The following ANXA8 variants were observed in gnomAD, a reference collection of about 807,000 sequenced individuals.
The protein encoded by ANXA8 is VAC-beta.
A neutral mutation model predicts 26.8 loss-of-function variants in ANXA8; 9 were observed. The ratio of observed to expected loss-of-function variants is 0.34; its 90% CI spans 0.20 to 0.59. The LOEUF (loss-of-function observed/expected upper bound fraction) is 0.59. ANXA8 is among the 20% of genes least tolerant of loss of function. The probability of loss-of-function intolerance (pLI) is 0.84; values close to 1 mark genes in which losing one functional copy is unlikely to be tolerated. For synonymous variants in ANXA8, 39 were observed against 94.8 expected, an observed-to-expected ratio of 0.41 and a Z score of 3.42; for missense variants, 83 against 238.5, an observed-to-expected ratio of 0.35 and a Z score of 4.29.
the ANXA8 span, among the ~76,000 whole-genome samples, chr10:47,942,200 T>C: frequency 1.4e-5 from 2 of 146,330 alleles, 1 homozygote. Flanking sequence ...TCCTTATGAA[T>C]AGGTGAAAAG....
the ANXA8 span, among the ~76,000 whole-genome samples, chr10:47,958,961 T>C: frequency 6.7e-6 from 1 of 150,272 alleles, no homozygotes. Flanking sequence ...GATGAGGTTT[T>C]GGGTGGGGAC....
chr10:47,926,174 G>A, the ANXA8 span, among the ~76,000 whole-genome samples: 1 of 40,012 alleles, frequency 2.5e-5, no homozygotes, highest in Non-Finnish European at 5.3e-5. Context: ...GGGATTACAG[G>A]TGCTTGCCAC....
At chr10:47,674,983 G>GC in the ANXA8 span, among the ~76,000 whole-genome samples, 1 of 148,402 alleles carries the variant, frequency 6.7e-6, no homozygotes, top group Non-Finnish European at 1.5e-5. Context: ...TTTAGTATAT[G>GC]CTTTATCTAG....
chr10:47,744,423 T>TGGGGGGGAGGGGGGAAGGGGG, the ANXA8 span, among the ~76,000 whole-genome samples: 1 of 6,438 alleles, frequency 1.6e-4, no homozygotes, highest in Non-Finnish European at 2.7e-4. Flanking sequence ...GGGGGGGGGT[T>TGGGGGGGAGGGGGGAAGGGGG]GGGGGGGAGG....
the ANXA8 span, among the ~76,000 whole-genome samples, chr10:47,695,316 G>A: frequency 6.6e-6 from 1 of 151,150 alleles, no homozygotes; most frequent in African/African-American, 2.4e-5. Context: ...TGTTGGGAGG[G>A]AAAGGAATGT....
chr10:47,691,099 T>A, the ANXA8 span: 1 of 1,611,202 alleles, frequency 6.2e-7, no homozygotes, highest in East Asian at 2.2e-5. Context: ...GACCAAATTC[T>A]GGCTCTAAAG....
At chr10:47,687,892 G>T in the ANXA8 span, among the ~76,000 whole-genome samples, 1 of 151,734 alleles carries the variant, frequency 6.6e-6, no homozygotes. Context: ...TTGAGGTCAG[G>T]AGTTTGCGAC....
At chr10:47,750,958 G>C in the ANXA8 span, 1 of 147,830 alleles carries the variant, frequency 6.8e-6, no homozygotes, top group Non-Finnish European at 1.5e-5. Context: ...GAATAAAGGA[G>C]AAAAATAAAA....
chr10:47,499,010 G>C, the ANXA8 span, among the ~76,000 whole-genome samples: 11 of 141,598 alleles, frequency 7.8e-5, no homozygotes, highest in African/African-American at 2.6e-4. Context: ...GCTGAGGCAG[G>C]AGAATCGCTT....
At chr10:47,483,885 C>A (rs1446529740) in intron 1 of ANXA8, 28 bp downstream of exon 1, 120 of 1,611,614 alleles carry the variant, frequency 7.4e-5, no homozygotes, top group Non-Finnish European at 9.2e-5. Flanking sequence ...CATGCAGGAA[C>A]CCAAATCTCC....
chr10:47,581,777 A>T, the ANXA8 span, among the ~76,000 whole-genome samples: 3 of 145,514 alleles, frequency 2.1e-5, no homozygotes, highest in Non-Finnish European at 4.5e-5. Flanking sequence ...AACTTTTTGT[A>T]TTTTTTTTTA....
At chr10:47,944,893 TC>T in the ANXA8 span, among the ~76,000 whole-genome samples, 1 of 140,280 alleles carries the variant, frequency 7.1e-6, no homozygotes, top group Non-Finnish European at 1.5e-5. Context: ...CCTCAGTCTG[TC>T]CTTGTACAGG....
the ANXA8 span, chr10:47,503,310 A>G: frequency 6.3e-7 from 1 of 1,593,922 alleles, no homozygotes; most frequent in Non-Finnish European, 8.5e-7. Flanking sequence ...CGATGGTGTC[A>G]GCATGATTCT....
rs1210120774 is a variant in ANXA8, at chr10:47,481,463, G to A, written c.22-1575C>T. 9.3e-5 allele frequency among the ~76,000 whole-genome samples: 13 copies of A among 139,842 alleles called. 1 individual carries two copies. Among genetic ancestry groups the A allele is most frequent in the South Asian group, 4.7e-4 (2 of 4,246 alleles). The allele number at this position is 139,842 out of a possible 152,430, so 91.7% of individuals were successfully genotyped here. A position where few individuals can be genotyped will look rare whatever the true frequency, so the allele number is the denominator to read the frequency against. ...CCCAGACAATGAGTGTTCCTGGAAC[G>A]TTCCACTGAAGGAAGCTTCACCCAC... is the stretch of plus-strand genomic sequence containing the variant. On this transcript the variant is annotated intron_variant, in intron 1 of 11. Transcript: ENST00000585281.
chr10:47,657,607 G>A, the ANXA8 span, among the ~76,000 whole-genome samples: 2 of 151,090 alleles, frequency 1.3e-5, no homozygotes, highest in South Asian at 4.1e-4. Flanking sequence ...ACAGTATCTG[G>A]CACATGGAAA....
At chr10:47,896,723 C>T in the ANXA8 span, among the ~76,000 whole-genome samples, 12 of 150,870 alleles carry the variant, frequency 8.0e-5, no homozygotes, top group Admixed American at 1.3e-4. Flanking sequence ...GTAGAATTCT[C>T]TCCACCTCCC....
the ANXA8 span, among the ~76,000 whole-genome samples, chr10:47,493,664 C>T: frequency 1.3e-5 from 2 of 151,092 alleles, no homozygotes; most frequent in Admixed American, 6.6e-5. Flanking sequence ...CTCATCCACA[C>T]AGCAGGACCC....
chr10:47,667,580 C>T, the ANXA8 span, among the ~76,000 whole-genome samples: 1 of 151,770 alleles, frequency 6.6e-6, no homozygotes, highest in Non-Finnish European at 1.5e-5. Flanking sequence ...GAGACAGAAT[C>T]CCACTCTCGC....
the ANXA8 span, chr10:47,710,696 CTCAACT>C: frequency 3.5e-6 from 3 of 865,040 alleles, no homozygotes; most frequent in East Asian, 7.9e-5. Flanking sequence ...GCCTGGTACC[CTCAACT>C]TCAAAGGAAA....
Sources: allele counts gnomAD v4.1 joint callset (sites outside exome capture counted in the v4.1 genomes callset), GRCh38; gene constraint gnomAD v4.1.1; transcripts MANE v1.5; gene names NCBI Gene and HGNC (gene_info 2026-07-23, HGNC 2026-07-21).